Variants in LYST observed in about 807,000 individuals in gnomAD.
LYST encodes lysosomal-trafficking regulator.
A neutral mutation model predicts 413.6 loss-of-function variants in LYST; 192 were observed. The observed-to-expected ratio is 0.46, with a 90% confidence interval of 0.41 to 0.52. The LOEUF (loss-of-function observed/expected upper bound fraction) is 0.52. LYST is among the 20% of genes least tolerant of loss of function. LYST has a pLI of 0.00. For synonymous variants in LYST, 1,525 were observed against 1,567.3 expected (o/e 0.97, Z 0.64); for missense variants, 3,815 against 4,499.9 (o/e 0.85, Z 4.35).
At chr1:235,780,214 T>C (rs1253334845) in intron 16 of LYST, among the ~76,000 whole-genome samples, 1 of 152,022 alleles carries the variant, frequency 6.6e-6, no homozygotes, top group Non-Finnish European at 1.5e-5. Flanking sequence ...GAGACTAGTC[T>C]GGGCAACAAA....
chr1:235,752,562 CTT>C (rs1203491083), intron 26 of LYST, among the ~76,000 whole-genome samples: 2 of 152,100 alleles, frequency 1.3e-5, no homozygotes, highest in African/African-American at 4.8e-5. Context: ...TCTGCGAAGA[CTT>C]TTCAGAGAAG....
intron 3 of LYST, among the ~76,000 whole-genome samples, chr1:235,821,240 C>T (rs1252644543): frequency 6.6e-6 from 1 of 152,160 alleles, no homozygotes; most frequent in Non-Finnish European, 1.5e-5. Flanking sequence ...AGCTTGAAAA[C>T]AGTCTGGGCA....
chr1:235,845,581 A>G (rs1420731322), intron 1 of LYST, among the ~76,000 whole-genome samples: 3 of 152,170 alleles, frequency 2.0e-5, no homozygotes, highest in Non-Finnish European at 4.4e-5. Context: ...AGAGGTGGAT[A>G]GCCTCGGGGA....
chr1:235,810,064 T>C lies in LYST; in HGVS notation c.754A>G (p.Asn252Asp), dbSNP rs369118576. 7.4e-6 allele frequency: 12 copies of C among 1,613,948 alleles called. No individual in the cohort carries two copies. The highest frequency in any genetic ancestry group is 1.0e-5 in the Non-Finnish European group (12 of 1,179,956). The change falls in exon 5 of 53, where the codon AAT (asparagine) becomes GAT (aspartate). Residue 252 changes from asparagine (N) to aspartate (D), a missense_variant. Physicochemically the swap from Asn to Asp is conservative, Grantham distance 23. Around this residue, in one of 4 missense-constraint regions of LYST, gnomAD observed 1,648 missense variants for 1,810.3 expected, o/e 0.91. Transcript: ENST00000389793. Reference sequence around the variant, plus strand: ...ACATGACATAAGTCAAATGGAGAATTGTTCATGTTACTGATAACAGACAAG... The same window carrying C: ...ACATGACATAAGTCAAATGGAGAATCGTTCATGTTACTGATAACAGACAAG... ...AALSVISNMN[N>D]SPFDLCHVLL...
In LYST at chr1:235,755,430, A is replaced by AAAGAAAAGAAAAGAAAAG. The variant is rs747183026; in HGVS notation, c.7229+47_7229+48insCTTTTCTTTTCTTTTCTT. ...AAAGAAAAGAAAAGAAAAGAAAAGA[A>AAAGAAAAGAAAAGAAAAG]AAAAGACAAAAGATTCCCAATTATA... On this transcript the variant is annotated intron_variant, in intron 25 of 52. Transcript: ENST00000389793. The AAAGAAAAGAAAAGAAAAG allele has an allele frequency of 3.1e-6, 4 of 1,277,122 alleles. No homozygotes were observed. In the African/African-American group the frequency reaches 4.5e-5, roughly 15 times the overall value. 79.1% of individuals were successfully genotyped at this position (1,277,122 alleles called of 1,614,324 possible). A position where few individuals can be genotyped will look rare whatever the true frequency, so the allele number is the denominator to read the frequency against.
intron 1 of LYST, among the ~76,000 whole-genome samples, chr1:235,838,555 G>T (rs184790829): frequency 3.0e-4 from 46 of 152,128 alleles, no homozygotes; most frequent in Non-Finnish European, 5.3e-4. Flanking sequence ...AGAGTCTTTT[G>T]TGGAAGTAAC....
chr1:235,831,264 G>A (rs924897501), intron 2 of LYST, among the ~76,000 whole-genome samples: 3 of 152,208 alleles, frequency 2.0e-5, no homozygotes, highest in Non-Finnish European at 4.4e-5. Flanking sequence ...TGAGAGGGCA[G>A]TGCACATATG....
In LYST at chr1:235,809,799, C is replaced by T; in HGVS notation, c.1019G>A (p.Ser340Asn). 1.2e-6 allele frequency: 2 copies of T among 1,613,976 alleles called. No individual in the cohort carries two copies. The highest frequency in any genetic ancestry group is 1.7e-6 in the Non-Finnish European group (2 of 1,179,958). Residue 340 changes from serine to asparagine, a missense_variant, in exon 5 of 53, where the codon AGT becomes AAT. Coordinates refer to ENST00000389793, the MANE Select transcript of LYST (RefSeq NM_000081.4). The surrounding 1 kb of genome is among the most constrained non-coding windows in gnomAD (Gnocchi z 4.0). ...TVLHLLSVDV[S>N]TAEMMPENLR... ...ATTTTCTGGCATCATCTCTGCAGTA[C>T]TAACATCTACTGACAGAAGATGCAA...
intron 38 of LYST, among the ~76,000 whole-genome samples, chr1:235,725,276 A>G (rs1166611689): frequency 6.6e-6 from 1 of 152,058 alleles, no homozygotes; most frequent in Non-Finnish European, 1.5e-5. Flanking sequence ...TCTACTAAAA[A>G]TACAAAAATT....
chr1:235,699,670 G>T (rs111544393), intron 45 of LYST, among the ~76,000 whole-genome samples: 4,124 of 152,236 alleles, frequency 0.027, 167 homozygotes, highest in African/African-American at 0.094. Context: ...TTCCACAAGG[G>T]TTGAACTAAT....
chr1:235,799,825 T>C (rs1335116372), intron 10 of LYST, among the ~76,000 whole-genome samples: 1 of 149,632 alleles, frequency 6.7e-6, no homozygotes, highest in Non-Finnish European at 1.5e-5. Flanking sequence ...TCTATAAACA[T>C]ACTTGCACTC....
chr1:235,808,825 A>G lies in LYST; in HGVS notation c.1993T>C (p.Ser665Pro). 4.3e-6 allele frequency: 7 copies of G among 1,614,042 alleles called. No individual in the cohort carries two copies. Among genetic ancestry groups the G allele is most frequent in the Non-Finnish European group, 5.9e-6 (7 of 1,180,018 alleles). Residue 665 changes from serine (S) to proline (P), a missense_variant, in exon 5 of 53, where the codon TCA becomes CCA. This residue lies in a region of LYST where 1,648 missense variants were observed against 1,810.3 expected (regional missense o/e 0.91). Coordinates refer to ENST00000389793, the MANE Select transcript of LYST (RefSeq NM_000081.4). ...QGNLCDAELS[S>P]SLSSPSYRFQ... is the part of the protein sequence containing the mutation. ...CTGTAAGAAGGACTGGATAAACTTG[A>G]GGAGAGTTCAGCATCACATAAGTTT...
In LYST at chr1:235,872,161, T is replaced by C. The variant is rs1680953373; in HGVS notation, n.454+11026A>G. The stretch of plus-strand genomic sequence containing the variant: ...AAATACAAAAACTAGCCAGGCATAG[T>C]GGCACATGCATGTAGTCTCAGCTAC... On this transcript the variant is annotated intron_variant and non_coding_transcript_variant, in intron 1 of 11. Transcript: ENST00000465349. Among the ~76,000 whole-genome samples the C allele has an allele frequency of 2.0e-5, 3 of 152,066 alleles. No homozygotes were observed. The East Asian group carries it at 5.8e-4, about 30-fold the overall frequency.
chr1:235,715,754 G>T (rs1376458046), intron 41 of LYST, among the ~76,000 whole-genome samples: 1 of 151,958 alleles, frequency 6.6e-6, no homozygotes, highest in African/African-American at 2.4e-5. Context: ...ATGCTATGCT[G>T]TCTAGAGAAC....
Position 235,752,143 on chromosome 1 carries a change from C to T in LYST, c.7489G>A (p.Ala2497Thr), listed in dbSNP as rs745703349. The T allele has an allele frequency of 6.2e-7, 1 of 1,611,264 alleles. No individual in the cohort carries two copies. Among genetic ancestry groups the T allele is most frequent in the African/African-American group, 1.3e-5 (1 of 74,814 alleles). Reference protein sequence around the residue: ...NIPMSEYKLLACDIQQLFIAV... With the variant: ...NIPMSEYKLLTCDIQQLFIAV... Reference sequence around the variant, plus strand: ...ATGAAAAGTTGCTGTATATCACAAGCAAGCAATTTATATTCACTCATGGGA... The same window carrying T: ...ATGAAAAGTTGCTGTATATCACAAGTAAGCAATTTATATTCACTCATGGGA... Residue 2497 changes from alanine to threonine, a missense_variant, in exon 27 of 53, where the codon GCT becomes ACT. Transcript: ENST00000389793.
At chr1:235,846,078 G>A (rs777751251) in intron 1 of LYST, among the ~76,000 whole-genome samples, 1 of 152,098 alleles carries the variant, frequency 6.6e-6, no homozygotes, top group Non-Finnish European at 1.5e-5. Context: ...TACAAAAATA[G>A]AGCATTAAAC....
At chr1:235,722,895 C>G (rs1476572343) in intron 39 of LYST, among the ~76,000 whole-genome samples, 1 of 152,106 alleles carries the variant, frequency 6.6e-6, no homozygotes, top group Non-Finnish European at 1.5e-5. Flanking sequence ...TTAATTAGGA[C>G]TAAGAAATAT....
rs756782688 is a variant in LYST, at chr1:235,777,065, T to C, written c.5458A>G (p.Arg1820Gly). 6.2e-7 allele frequency: 1 copy of C among 1,613,186 alleles called. No homozygotes were observed. Residue 1820 changes from arginine (R) to glycine (G), a missense_variant and splice_region_variant, in exon 17 of 53, where the codon AGG becomes GGG. By Grantham distance (125) the Arg-to-Gly change is moderately radical (BLOSUM62 -2). Around this residue, in one of 4 missense-constraint regions of LYST, gnomAD observed 530 missense variants for 696.5 expected, o/e 0.76. Transcript: ENST00000389793. Reference protein sequence around the residue: ...GTGIFVFLFARVVELSSCEET... With the variant: ...GTGIFVFLFAGVVELSSCEET... ...AAACTATAAGCAGTGATTCTTACCC[T>C]GGCAAAGAGAAAAACAAATATGCCA...
chr1:235,776,641 C>A (rs1669271479), intron 17 of LYST, among the ~76,000 whole-genome samples: 1 of 151,560 alleles, frequency 6.6e-6, no homozygotes. Context: ...CTGAGTCAAA[C>A]TTTATATGTC....
Sources: gnomAD v4.1 joint callset for allele counts (sites outside exome capture counted in the v4.1 genomes callset) on GRCh38, gnomAD v4.1.1 for gene constraint, gnomAD v4.1.1 regional missense constraint, Gnocchi (gnomAD v3.1) non-coding constraint, MANE v1.5 for transcripts, NCBI Gene and HGNC (gene_info 2026-07-23, HGNC 2026-07-21) for gene names.